The following BCAR3 variants were observed in gnomAD, a reference collection of about 807,000 sequenced individuals.
BCAR3 encodes the protein breast cancer anti-estrogen resistance protein 3.
A neutral mutation model predicts 80.1 loss-of-function variants in BCAR3; 37 were observed. The observed-to-expected ratio is 0.46, with a 90% confidence interval of 0.36 to 0.61. BCAR3 has a LOEUF of 0.61. Among genes scored for constraint, BCAR3 ranks in the 20% least tolerant of loss-of-function variants. The pLI is 0.00. For missense variants in BCAR3, 978 were observed against 1,068.2 expected (o/e 0.92, Z 1.18); for synonymous variants, 389 against 418.9 (o/e 0.93, Z 0.87).
intron 2 of BCAR3, among the ~76,000 whole-genome samples, chr1:93,710,501 C>T (rs1649982308): frequency 6.6e-6 from 1 of 152,198 alleles, no homozygotes; most frequent in South Asian, 2.1e-4. Flanking sequence ...GCCCCTAATG[C>T]TGGTCCCTCA....
intron 2 of BCAR3, among the ~76,000 whole-genome samples, chr1:93,837,038 T>C (rs1205418414): frequency 1.3e-5 from 2 of 152,296 alleles, no homozygotes; most frequent in African/African-American, 4.8e-5. Flanking sequence ...AAAAGCTTTA[T>C]TGCTCACACA....
chr1:93,844,231 C>T (rs1404970978), intron 2 of BCAR3, among the ~76,000 whole-genome samples: 2 of 152,096 alleles, frequency 1.3e-5, no homozygotes, highest in Non-Finnish European at 2.9e-5. Flanking sequence ...TGCTTCAACT[C>T]GGGAAATGGA....
intron 2 of BCAR3, among the ~76,000 whole-genome samples, chr1:93,776,367 C>T (rs1652547233): frequency 6.6e-6 from 1 of 152,148 alleles, no homozygotes; most frequent in Non-Finnish European, 1.5e-5. Flanking sequence ...TGTCTTCCCA[C>T]CCCCAAACAT....
intron 6 of BCAR3, 144 bp from the exon 7 acceptor site, chr1:93,583,097 TGA>T (rs1673785957): frequency 4.8e-6 from 5 of 1,031,080 alleles, no homozygotes; most frequent in Non-Finnish European, 6.9e-6. Flanking sequence ...AAATTCAGTG[TGA>T]CTGTCCCACG....
intron 2 of BCAR3, among the ~76,000 whole-genome samples, chr1:93,839,927 G>A (rs182592179): frequency 4.7e-4 from 72 of 152,262 alleles, no homozygotes; most frequent in African/African-American, 1.7e-3. Flanking sequence ...CAGGCCTAGG[G>A]TGGGGCCGAG....
chr1:93,706,540 G>T (rs970872433), intron 2 of BCAR3, among the ~76,000 whole-genome samples: 3 of 152,130 alleles, frequency 2.0e-5, no homozygotes, highest in African/African-American at 7.2e-5. Flanking sequence ...GAGCCAGATC[G>T]TCTGGGTTTG....
At chr1:93,759,760 T>C (rs537385075) in intron 2 of BCAR3, among the ~76,000 whole-genome samples, 1 of 152,286 alleles carries the variant, frequency 6.6e-6, no homozygotes, top group East Asian at 1.9e-4. Flanking sequence ...TGAGCTGCCA[T>C]GAGCACACCA....
At chr1:93,739,132 G>A (rs79671705) in intron 2 of BCAR3, among the ~76,000 whole-genome samples, 3,454 of 152,224 alleles carry the variant, frequency 0.023, 133 homozygotes, top group East Asian at 0.11. Context: ...GGTTTCAAGC[G>A]GTACAACTGG....
At chr1:93,775,395 G>C (rs566490145) in intron 2 of BCAR3, 51 of 152,326 alleles carry the variant, frequency 3.3e-4, no homozygotes, top group African/African-American at 1.2e-3. Flanking sequence ...GCATGCTCCT[G>C]ACCGCTCCAG....
At chr1:93,773,995 A>T (rs74101512) in intron 2 of BCAR3, among the ~76,000 whole-genome samples, 17,802 of 152,080 alleles carry the variant, frequency 0.12, 1,467 homozygotes, top group African/African-American at 0.22. Flanking sequence ...TATTGAAACA[A>T]CAAAGTTGTC....
intron 2 of BCAR3, among the ~76,000 whole-genome samples, chr1:93,659,573 A>T (rs1647555972): frequency 6.6e-6 from 1 of 151,752 alleles, no homozygotes; most frequent in Non-Finnish European, 1.5e-5. Context: ...TATATTATAT[A>T]TATGGTTACA....
chr1:93,706,149 T>C (rs1286917664), intron 2 of BCAR3: 8 of 152,256 alleles, frequency 5.3e-5, no homozygotes, highest in Non-Finnish European at 1.0e-4. Flanking sequence ...GCTCCTGTAG[T>C]AGAATGCAAA....
intron 2 of BCAR3, among the ~76,000 whole-genome samples, chr1:93,834,047 T>C (rs1454362211): frequency 2.0e-5 from 3 of 152,216 alleles, no homozygotes; most frequent in African/African-American, 2.4e-5. Context: ...TCACAATTTA[T>C]GTTCTGCCGT....
chr1:93,718,515 T>G (rs964140505), intron 2 of BCAR3, among the ~76,000 whole-genome samples: 1 of 152,058 alleles, frequency 6.6e-6, no homozygotes, highest in Non-Finnish European at 1.5e-5. Flanking sequence ...TGGCCTTACA[T>G]GCACTACTTC....
At chr1:93,658,233 C>A (rs1317399329) in intron 2 of BCAR3, among the ~76,000 whole-genome samples, 1 of 152,112 alleles carries the variant, frequency 6.6e-6, no homozygotes, top group Non-Finnish European at 1.5e-5. Flanking sequence ...GCCACCGCGC[C>A]CAGTCCGTTA....
At chr1:93,650,071 G>A (rs1676274700) in intron 2 of BCAR3, among the ~76,000 whole-genome samples, 2 of 151,978 alleles carry the variant, frequency 1.3e-5, no homozygotes, top group South Asian at 4.2e-4. Flanking sequence ...AGAAGCCTAG[G>A]AGGGTGCGAT....
intron 2 of BCAR3, among the ~76,000 whole-genome samples, chr1:93,802,598 G>A (rs567431421): frequency 6.6e-6 from 1 of 152,338 alleles, no homozygotes; most frequent in East Asian, 1.9e-4. Context: ...AATGCATGCT[G>A]TCAAAACTTC....
chr1:93,592,314 C>A lies in BCAR3; in HGVS notation c.437G>T (p.Ser146Ile). The A allele has an allele frequency of 6.2e-7, 1 of 1,611,950 alleles. No homozygotes were observed. Among genetic ancestry groups the A allele is most frequent in the Non-Finnish European group, 8.5e-7 (1 of 1,179,920 alleles). The change falls in exon 4 of 12, where the codon AGC becomes ATC. Residue 146 changes from serine to isoleucine, a missense_variant. Coordinates refer to ENST00000260502, the MANE Select transcript of BCAR3 (RefSeq NM_003567.4). The surrounding 1 kb of genome is among the most constrained non-coding windows in gnomAD (Gnocchi z 4.8). ...CCAGGCATGGCTGCGCAGGTCCTCG[C>A]TGCTCAGGAGCAGCTCCTCCTCCAG... is the stretch of plus-strand genomic sequence containing the variant. ...KELEEELLLS[S>I]EDLRSHAWYH...
chr1:93,642,231 T>A (rs1260984974), intron 3 of BCAR3, 73 bp downstream of exon 3: 2 of 1,504,888 alleles, frequency 1.3e-6, no homozygotes, highest in Non-Finnish European at 1.8e-6. Context: ...CAGCATTATT[T>A]AGCAACTCTG....
Sources: allele counts gnomAD v4.1 joint callset (sites outside exome capture counted in the v4.1 genomes callset), GRCh38; gene constraint gnomAD v4.1.1; non-coding constraint Gnocchi (gnomAD v3.1); transcripts MANE v1.5; gene names NCBI Gene and HGNC (gene_info 2026-07-23, HGNC 2026-07-21).